The following ITGBL1 variants were observed in gnomAD, a reference collection of about 807,000 sequenced individuals.
ITGBL1 encodes the protein integrin subunit beta like 1.
Under a neutral mutation model 68.5 loss-of-function variants are expected in ITGBL1, and 51 were observed. That is an observed-to-expected ratio of 0.74 (90% CI 0.59 to 0.94). ITGBL1 has a LOEUF of 0.94. ITGBL1 is among the 40% of genes least tolerant of loss of function. The pLI, the probability that ITGBL1 is intolerant of heterozygous loss-of-function variation, is 0.00. For synonymous variants in ITGBL1, 209 were observed against 227.3 expected, an observed-to-expected ratio of 0.92 and a Z score of 0.72; for missense variants, 649 against 647.4, an observed-to-expected ratio of 1.00 and a Z score of -0.03.
chr13:101,452,897 T>C lies in ITGBL1; in HGVS notation c.64T>C (p.Ser22Pro). 1 of 1,614,238 alleles carries C rather than the reference T, an allele frequency of 6.2e-7. No individual in the cohort carries two copies. Among genetic ancestry groups the C allele is most frequent in the Non-Finnish European group, 8.5e-7 (1 of 1,180,028 alleles). The change falls in exon 1 of 11, where the codon TCA becomes CCA. Residue 22 changes from serine (S) to proline (P), a missense_variant. Coordinates refer to ENST00000376180, the MANE Select transcript of ITGBL1 (RefSeq NM_004791.3). ...GTCCTCCCTTCTCTTTGCTGGGTTG[T>C]CAGCTGTTCCTCAAAGCTTCTCGCC... is the stretch of plus-strand genomic sequence containing the variant. ...LASSLLFAGL[S>P]AVPQSFSPSL...
chr13:101,680,553 A>C (rs2033617724), intron 7 of ITGBL1, among the ~76,000 whole-genome samples: 2 of 152,010 alleles, frequency 1.3e-5, no homozygotes, highest in Non-Finnish European at 2.9e-5. Flanking sequence ...TTTTCATAGA[A>C]AAGTACAATG....
intron 2 of ITGBL1, among the ~76,000 whole-genome samples, chr13:101,517,180 A>G (rs998457173): frequency 2.5e-4 from 38 of 152,224 alleles, no homozygotes; most frequent in Admixed American, 2.5e-3. Flanking sequence ...ATTTCAGGCA[A>G]GAGACCAAAA....
intron 2 of ITGBL1, among the ~76,000 whole-genome samples, chr13:101,477,796 G>T (rs1408124167): frequency 6.6e-6 from 1 of 151,940 alleles, no homozygotes; most frequent in African/African-American, 2.4e-5. Flanking sequence ...AACCTAAATA[G>T]TCCAATAACA....
chr13:101,510,448 G>A (rs1209721000), intron 2 of ITGBL1, among the ~76,000 whole-genome samples: 1 of 152,034 alleles, frequency 6.6e-6, no homozygotes, highest in East Asian at 1.9e-4. Context: ...TTTTGCTATT[G>A]TGAATAGAAC....
intron 5 of ITGBL1, among the ~76,000 whole-genome samples, chr13:101,581,330 G>A (rs1041098205): frequency 2.0e-5 from 3 of 152,092 alleles, no homozygotes; most frequent in Non-Finnish European, 4.4e-5. Flanking sequence ...TGAGAGCAAT[G>A]CATATTCATT....
intron 2 of ITGBL1, among the ~76,000 whole-genome samples, chr13:101,538,332 C>T (rs565329266): frequency 1.3e-5 from 2 of 151,660 alleles, no homozygotes; most frequent in South Asian, 4.2e-4. Flanking sequence ...GAGATGATAA[C>T]AGACTAGAAG....
intron 2 of ITGBL1, among the ~76,000 whole-genome samples, chr13:101,539,431 T>G (rs1045360640): frequency 6.6e-6 from 1 of 152,158 alleles, no homozygotes; most frequent in Non-Finnish European, 1.5e-5. Context: ...TGTGCCACAT[T>G]TTTTTAATTC....
chr13:101,706,676 A>C (rs2139587199), intron 8 of ITGBL1, 80 bp from the exon 9 acceptor site: 1 of 1,397,458 alleles, frequency 7.2e-7, no homozygotes, highest in Non-Finnish European at 9.9e-7. Flanking sequence ...CCTATGGTTT[A>C]CACATTTCTT....
intron 2 of ITGBL1, among the ~76,000 whole-genome samples, chr13:101,460,958 A>G (rs1041444212): frequency 6.6e-6 from 1 of 152,190 alleles, no homozygotes; most frequent in Non-Finnish European, 1.5e-5. Flanking sequence ...TCACATTTCA[A>G]CATGAGATTT....
rs1566680689 is a variant in ITGBL1 at position 101,452,779 on chromosome 13, G to A, written c.-55G>A. On this transcript the variant is annotated 5_prime_UTR_variant, in exon 1 of 11. Coordinates refer to ENST00000376180, the MANE Select transcript of ITGBL1 (RefSeq NM_004791.3). ...ACCTCTCCCTCCTGCCGCCTCCCTCGGTGAACCCCACCTTGCAGAAGTGCA... is the reference window on the plus strand; with the variant it reads ...ACCTCTCCCTCCTGCCGCCTCCCTCAGTGAACCCCACCTTGCAGAAGTGCA... The A allele has an allele frequency of 4.8e-6, 7 of 1,467,942 alleles. No homozygotes were observed. The highest frequency in any genetic ancestry group is 6.7e-6 in the Non-Finnish European group (7 of 1,048,622). 90.9% of individuals were successfully genotyped at this position (1,467,942 alleles called of 1,614,324 possible).
At chr13:101,656,914 G>A (rs2032942658) in intron 7 of ITGBL1, among the ~76,000 whole-genome samples, 1 of 150,502 alleles carries the variant, frequency 6.6e-6, no homozygotes, top group Admixed American at 6.6e-5. Context: ...TGTTTAATTA[G>A]ACTGTGTTCC....
At chr13:101,719,796 G>A (rs1442193370), downstream of ITGBL1, 2 of 152,018 alleles carry the variant, frequency 1.3e-5, no homozygotes, top group Admixed American at 6.6e-5. Flanking sequence ...AATTCCATCA[G>A]ATTTACTATA....
At chr13:101,500,654 C>T (rs868249519) in intron 2 of ITGBL1, among the ~76,000 whole-genome samples, 29 of 152,252 alleles carry the variant, frequency 1.9e-4, no homozygotes, top group African/African-American at 6.5e-4. Context: ...TGGTTAGTAA[C>T]CATTCAGTTG....
intron 7 of ITGBL1, among the ~76,000 whole-genome samples, chr13:101,615,670 T>C (rs2031321005): frequency 6.6e-6 from 1 of 151,892 alleles, no homozygotes; most frequent in African/African-American, 2.4e-5. Context: ...ATGCCTGTAG[T>C]CCCAGCTACT....
intron 7 of ITGBL1, among the ~76,000 whole-genome samples, chr13:101,630,124 ATTT>A (rs1281460830): frequency 6.6e-6 from 1 of 152,042 alleles, no homozygotes; most frequent in Non-Finnish European, 1.5e-5. Context: ...GCCTGGCCTT[ATTT>A]ATTTTTTTGT....
chr13:101,572,802 G>T (rs996669857), intron 3 of ITGBL1, among the ~76,000 whole-genome samples: 7 of 152,068 alleles, frequency 4.6e-5, no homozygotes, highest in African/African-American at 1.7e-4. Context: ...TTTGGAGGCA[G>T]AGGCTGTTCC....
rs139631549 is a variant in ITGBL1, at chr13:101,706,779, C to T, written c.1156C>T (p.Arg386Cys). Residue 386 changes from arginine (R) to cysteine (C), a missense_variant, in exon 9 of 11, where the codon CGC becomes TGC. Coordinates refer to ENST00000376180, the MANE Select transcript of ITGBL1 (RefSeq NM_004791.3). ...CGGHGTCSCG[R>C]CVCERGWFGK... ...AGGCCACGGCACATGTTCCTGTGGT[C>T]GCTGTGTTTGTGAGAGAGGATGGTT... 5.6e-5 allele frequency: 91 copies of T among 1,614,038 alleles called. No individual in the cohort carries two copies. The highest frequency in any genetic ancestry group is 2.9e-4 in the South Asian group (26 of 91,058).
intron 2 of ITGBL1, among the ~76,000 whole-genome samples, chr13:101,526,788 T>A (rs1418195418): frequency 6.6e-6 from 1 of 152,104 alleles, no homozygotes; most frequent in Admixed American, 6.6e-5. Context: ...AATGCCATCA[T>A]AGATTTATGT....
intron 2 of ITGBL1, among the ~76,000 whole-genome samples, chr13:101,488,201 C>T (rs1406928387): frequency 6.6e-6 from 1 of 152,234 alleles, no homozygotes. Context: ...TATACAATTC[C>T]AAATGAGGTT....
Sources: gnomAD v4.1 joint callset for allele counts (sites outside exome capture counted in the v4.1 genomes callset) on GRCh38, gnomAD v4.1.1 for gene constraint, MANE v1.5 for transcripts, NCBI Gene and HGNC (gene_info 2026-07-23, HGNC 2026-07-21) for gene names.